THSD4: variants seen among roughly 807,000 people sequenced by gnomAD.
THSD4 encodes thrombospondin type 1 domain containing 4, also known as thrombospondin type-1 domain-containing protein 4.
Under a neutral mutation model 119.0 loss-of-function variants are expected in THSD4, and 69 were observed. The ratio of observed to expected loss-of-function variants is 0.58; its 90% confidence interval spans 0.48 to 0.71. The LOEUF (loss-of-function observed/expected upper bound fraction) is 0.71, where lower values mean the gene tolerates loss of function less well. THSD4 is among the 30% of genes least tolerant of loss of function. THSD4 has a pLI of 0.00. For missense variants in THSD4, 1,393 were observed against 1,391.1 expected (o/e 1.00, Z -0.02); for synonymous variants, 524 against 540.4 (o/e 0.97, Z 0.42).
intron 6 of THSD4, among the ~76,000 whole-genome samples, chr15:71,317,895 A>G (rs1341678022): frequency 6.6e-6 from 1 of 152,196 alleles, no homozygotes; most frequent in Non-Finnish European, 1.5e-5. Context: ...GAGATACACT[A>G]CCTAACGCAG....
At chr15:71,144,615 T>A (rs1489945406) in intron 2 of THSD4, among the ~76,000 whole-genome samples, 1 of 152,182 alleles carries the variant, frequency 6.6e-6, no homozygotes, top group South Asian at 2.1e-4. Flanking sequence ...AGATTTCATT[T>A]AAAAACCCCT....
chr15:71,169,937 G>A (rs8035938), intron 3 of THSD4, among the ~76,000 whole-genome samples: 128,441 of 152,030 alleles, frequency 0.84, 56,995 homozygotes, highest in East Asian at 1. Flanking sequence ...ATTTTGGAAG[G>A]CCAAGGCAGG....
intron 7 of THSD4, among the ~76,000 whole-genome samples, chr15:71,655,872 A>G (rs1027315190): frequency 3.3e-5 from 5 of 152,220 alleles, no homozygotes; most frequent in Admixed American, 6.5e-5. Flanking sequence ...GTTTCTGAAC[A>G]CTGTCCTTGG....
intron 1 of THSD4, among the ~76,000 whole-genome samples, chr15:71,135,991 G>GTTTTTT (rs10540241): frequency 8.7e-5 from 6 of 69,102 alleles, no homozygotes; most frequent in African/African-American, 1.0e-4. Context: ...GTTTAGTTTA[G>GTTTTTT]TTTTTTTTTT....
Position 71,470,090 on chromosome 15 carries a change from A to G in THSD4, c.1152+58267A>G, listed in dbSNP as rs190194936. Among the ~76,000 whole-genome samples the G allele has an allele frequency of 2.6e-5, 4 of 152,348 alleles. No homozygotes were observed. The East Asian group carries it at 7.7e-4, about 29-fold the overall frequency. Reference sequence around the variant, plus strand: ...AAACAATCTCACATGTTCAGGCAATAAGTATAAGAGGTTCCCTACCTTAAG... The same window carrying G: ...AAACAATCTCACATGTTCAGGCAATGAGTATAAGAGGTTCCCTACCTTAAG... On this transcript the variant is annotated intron_variant, in intron 7 of 17. Transcript: ENST00000261862.
intron 6 of THSD4, among the ~76,000 whole-genome samples, chr15:71,326,615 A>T (rs2045341313): frequency 7.5e-6 from 1 of 133,940 alleles, no homozygotes; most frequent in Non-Finnish European, 1.6e-5. Flanking sequence ...TGGAGGTTGC[A>T]GTGAGCCGAG....
intron 6 of THSD4, among the ~76,000 whole-genome samples, chr15:71,257,041 C>T (rs1371368910): frequency 6.6e-6 from 1 of 152,072 alleles, no homozygotes; most frequent in Non-Finnish European, 1.5e-5. Flanking sequence ...AGTTGTGAGC[C>T]GTGAGTGCAG....
chr15:71,585,386 C>T (rs930099661), intron 7 of THSD4, among the ~76,000 whole-genome samples: 2 of 152,176 alleles, frequency 1.3e-5, no homozygotes, highest in Non-Finnish European at 2.9e-5. Context: ...CCTTTCGGCA[C>T]TCTGAATATA....
At chr15:71,241,363 T>C (rs543211594) in intron 4 of THSD4, among the ~76,000 whole-genome samples, 1 of 152,334 alleles carries the variant, frequency 6.6e-6, no homozygotes, top group African/African-American at 2.4e-5. Flanking sequence ...AGGCGAAACC[T>C]TTTCTGATCC....
chr15:71,630,321 G>A (rs1294573197), intron 7 of THSD4, among the ~76,000 whole-genome samples: 1 of 152,160 alleles, frequency 6.6e-6, no homozygotes, highest in Non-Finnish European at 1.5e-5. Context: ...TCACGGCACT[G>A]CCTTTGATCT....
At chr15:71,746,224 C>G (rs2053333264) in intron 12 of THSD4, among the ~76,000 whole-genome samples, 1 of 151,698 alleles carries the variant, frequency 6.6e-6, no homozygotes, top group Admixed American at 6.6e-5. Context: ...ATAAAACTAA[C>G]CTTTGGAGGT....
At chr15:71,097,606 A>G (rs1281160338) in intron 1 of THSD4, among the ~76,000 whole-genome samples, 1 of 151,258 alleles carries the variant, frequency 6.6e-6, no homozygotes, top group Non-Finnish European at 1.5e-5. Flanking sequence ...ACAACAAAGA[A>G]GCCTCTTTAT....
chr15:71,400,194 A>T (rs1457174367), intron 6 of THSD4, among the ~76,000 whole-genome samples: 1 of 152,176 alleles, frequency 6.6e-6, no homozygotes, highest in Non-Finnish European at 1.5e-5. Flanking sequence ...CTAAAGTTTA[A>T]ATTCCAAGTG....
chr15:71,727,545 AAAAAAAAAATATATATATATATAT>A (rs1301541208), intron 8 of THSD4, among the ~76,000 whole-genome samples: 17 of 97,684 alleles, frequency 1.7e-4, no homozygotes, highest in African/African-American at 2.0e-4. Flanking sequence ...AAAAAAAAAA[AAAAAAAAAATATATATATATATAT>A]ATATATATAT....
At chr15:71,491,291 C>G (rs376891387) in intron 7 of THSD4, among the ~76,000 whole-genome samples, 1 of 152,026 alleles carries the variant, frequency 6.6e-6, no homozygotes, top group Non-Finnish European at 1.5e-5. Flanking sequence ...CCTTTTGAAT[C>G]TCATGTTGAA....
At chr15:71,289,757 C>A (rs1448612559) in intron 6 of THSD4, among the ~76,000 whole-genome samples, 1 of 152,164 alleles carries the variant, frequency 6.6e-6, no homozygotes, top group African/African-American at 2.4e-5. Flanking sequence ...GCCTTCTCAA[C>A]CCTCATCTAG....
At chr15:71,754,748 C>T (rs1432018459) in intron 14 of THSD4, among the ~76,000 whole-genome samples, 1 of 152,100 alleles carries the variant, frequency 6.6e-6, no homozygotes, top group Admixed American at 6.5e-5. Context: ...AAAAAGCATA[C>T]CAATTTTGTT....
intron 7 of THSD4, among the ~76,000 whole-genome samples, chr15:71,655,303 G>A (rs1325059108): frequency 1.3e-5 from 2 of 152,256 alleles, no homozygotes; most frequent in East Asian, 1.9e-4. Flanking sequence ...GCTGTATGAG[G>A]TGTCTTGACT....
chr15:71,281,024 T>C (rs2044645104), intron 6 of THSD4, among the ~76,000 whole-genome samples: 1 of 152,244 alleles, frequency 6.6e-6, no homozygotes, highest in South Asian at 2.1e-4. Flanking sequence ...AACTTGTGGG[T>C]TAGCAAGTGG....
Sources: allele counts gnomAD v4.1 joint callset (sites outside exome capture counted in the v4.1 genomes callset), GRCh38; gene constraint gnomAD v4.1.1; transcripts MANE v1.5; gene names NCBI Gene and HGNC (gene_info 2026-07-23, HGNC 2026-07-21).